THSD7B: variants seen among roughly 807,000 people sequenced by gnomAD.
THSD7B encodes thrombospondin type-1 domain-containing protein 7B.
A neutral mutation model predicts 213.6 loss-of-function variants in THSD7B; 138 were observed. That is an observed-to-expected ratio of 0.65 (90% CI 0.56 to 0.74). THSD7B has a LOEUF of 0.74. Ranked by LOEUF, THSD7B falls within the 30% of genes least tolerant of loss-of-function variation. The pLI is 0.00. For missense variants in THSD7B, 1,931 were observed against 1,991.5 expected, an observed-to-expected ratio of 0.97 and a Z score of 0.58; for synonymous variants, 742 against 687.0, an observed-to-expected ratio of 1.08 and a Z score of -1.25.
At chr2:137,122,250 G>A (rs567771978) in intron 5 of THSD7B, among the ~76,000 whole-genome samples, 1 of 152,102 alleles carries the variant, frequency 6.6e-6, no homozygotes, top group African/African-American at 2.4e-5. Context: ...CCTCTTTAAT[G>A]GTATAGGAGG....
chr2:137,308,010 G>C (rs577061694), intron 12 of THSD7B, among the ~76,000 whole-genome samples: 2 of 151,972 alleles, frequency 1.3e-5, no homozygotes, highest in South Asian at 4.2e-4. Flanking sequence ...TCTACCATGC[G>C]AGTCCTTTAT....
chr2:137,146,514 A>G (rs1679706166), intron 5 of THSD7B, among the ~76,000 whole-genome samples: 2 of 152,150 alleles, frequency 1.3e-5, no homozygotes, highest in African/African-American at 4.8e-5. Flanking sequence ...AACTGGAGAT[A>G]CTAGTAGTAC....
chr2:137,585,824 A>T (rs1001382402), intron 17 of THSD7B, among the ~76,000 whole-genome samples: 196 of 152,044 alleles, frequency 1.3e-3, no homozygotes, highest in African/African-American at 4.4e-3. Context: ...TGTTGATTTG[A>T]GGTGGAGAGT....
chr2:137,348,184 T>C (rs1684920806), intron 12 of THSD7B, among the ~76,000 whole-genome samples: 1 of 151,884 alleles, frequency 6.6e-6, no homozygotes, highest in Admixed American at 6.6e-5. Flanking sequence ...CCAATTGATG[T>C]AGACACTCAA....
chr2:137,424,312 G>T (rs151128087), intron 14 of THSD7B, among the ~76,000 whole-genome samples: 1 of 151,908 alleles, frequency 6.6e-6, no homozygotes, highest in African/African-American at 2.4e-5. Context: ...ATTAATTGTC[G>T]TTCATCAAAA....
chr2:137,582,094 A>T, intron 17 of THSD7B, among the ~76,000 whole-genome samples: 1 of 151,760 alleles, frequency 6.6e-6, no homozygotes, highest in Non-Finnish European at 1.5e-5. Flanking sequence ...TGACAGAGGG[A>T]GACTCATTCT....
At chr2:136,789,138 A>C (rs938941030) in intron 1 of THSD7B, among the ~76,000 whole-genome samples, 1 of 152,086 alleles carries the variant, frequency 6.6e-6, no homozygotes, top group African/African-American at 2.4e-5. Context: ...ATATTATTGC[A>C]AGGATTGAAT....
intron 2 of THSD7B, among the ~76,000 whole-genome samples, chr2:136,921,988 A>G (rs545781848): frequency 3.9e-5 from 6 of 152,298 alleles, no homozygotes; most frequent in South Asian, 2.1e-4. Flanking sequence ...AGTTTTTGCT[A>G]TCTAATCTCA....
intron 2 of THSD7B, among the ~76,000 whole-genome samples, chr2:136,996,066 T>C (rs980340742): frequency 6.6e-5 from 10 of 152,202 alleles, no homozygotes; most frequent in African/African-American, 2.4e-4. Flanking sequence ...CAACATATAA[T>C]TTAAAGATGT....
intron 1 of THSD7B, among the ~76,000 whole-genome samples, chr2:136,839,662 A>G (rs962566855): frequency 1.3e-5 from 2 of 152,222 alleles, no homozygotes; most frequent in Non-Finnish European, 2.9e-5. Flanking sequence ...AAACTTTCAA[A>G]AAAATGATCA....
intron 12 of THSD7B, among the ~76,000 whole-genome samples, chr2:137,403,461 C>T (rs558780194): frequency 1.3e-5 from 2 of 152,182 alleles, no homozygotes; most frequent in South Asian, 4.1e-4. Flanking sequence ...TGATCCTAAA[C>T]TGTGGTCTTT....
chr2:136,967,822 TC>T (rs1171669979), intron 2 of THSD7B, among the ~76,000 whole-genome samples: 1 of 152,164 alleles, frequency 6.6e-6, no homozygotes, highest in Non-Finnish European at 1.5e-5. Context: ...GATGGATGCT[TC>T]CCTAAAGAAA....
intron 2 of THSD7B, among the ~76,000 whole-genome samples, chr2:136,954,384 C>T (rs375564706): frequency 6.6e-6 from 1 of 152,114 alleles, no homozygotes; most frequent in Non-Finnish European, 1.5e-5. Flanking sequence ...TTTTCCTCCT[C>T]GTTGGATGTA....
chr2:137,421,491 C>T lies in THSD7B; in HGVS notation c.2959+9619C>T, dbSNP rs189338797. ...AGTTACTTACATTTATTGGCTTATTCTAAAGGATACAGATGAAGAGACAAG... is the reference window on the plus strand; with the variant it reads ...AGTTACTTACATTTATTGGCTTATTTTAAAGGATACAGATGAAGAGACAAG... On this transcript the variant is annotated intron_variant, in intron 14 of 27. Coordinates refer to ENST00000409968, the MANE Select transcript of THSD7B (RefSeq NM_001316349.2). Among the ~76,000 whole-genome samples the T allele has an allele frequency of 3.9e-5, 6 of 152,246 alleles. No homozygotes were observed. The East Asian group carries it at 1.2e-3, about 29-fold the overall frequency.
intron 12 of THSD7B, among the ~76,000 whole-genome samples, chr2:137,285,265 C>G (rs1683141097): frequency 6.6e-6 from 1 of 152,092 alleles, no homozygotes; most frequent in Admixed American, 6.5e-5. Flanking sequence ...AGATCTTCCT[C>G]CATCCCTGTA....
chr2:136,798,969 C>G (rs1464090595), intron 1 of THSD7B, among the ~76,000 whole-genome samples: 2 of 151,988 alleles, frequency 1.3e-5, no homozygotes, highest in African/African-American at 4.8e-5. Context: ...GGCATCTTGC[C>G]CTGCTAGCCT....
At chr2:137,116,701 C>A (rs1201673391) in intron 5 of THSD7B, among the ~76,000 whole-genome samples, 1 of 152,062 alleles carries the variant, frequency 6.6e-6, no homozygotes, top group Admixed American at 6.6e-5. Context: ...GTCTTTCTAG[C>A]TTTTTGAATG....
At chr2:137,210,854 AGGT>A (rs1200058999) in intron 7 of THSD7B, among the ~76,000 whole-genome samples, 1 of 152,014 alleles carries the variant, frequency 6.6e-6, no homozygotes. Context: ...TTAGCCCTCT[AGGT>A]GTATCAGGCT....
intron 17 of THSD7B, among the ~76,000 whole-genome samples, chr2:137,587,116 A>G (rs1025900700): frequency 2.0e-5 from 3 of 152,138 alleles, no homozygotes; most frequent in Non-Finnish European, 4.4e-5. Context: ...CCTTTCTTCC[A>G]GTTGATCGAA....
Sources: allele counts gnomAD v4.1 joint callset (sites outside exome capture counted in the v4.1 genomes callset), GRCh38; gene constraint gnomAD v4.1.1; transcripts MANE v1.5; gene names NCBI Gene and HGNC (gene_info 2026-07-23, HGNC 2026-07-21).